NFASC: variants seen among roughly 807,000 people sequenced by gnomAD.
The protein encoded by NFASC is neurofascin homolog.
In NFASC, 43 loss-of-function variants were observed where a neutral mutation model predicts 147.5. The observed-to-expected ratio is 0.29, with a 90% confidence interval of 0.23 to 0.38. The LOEUF (loss-of-function observed/expected upper bound fraction) is 0.38. Ranked by LOEUF, NFASC falls within the 10% of genes least tolerant of loss-of-function variation. The pLI is 1.00. For synonymous variants in NFASC, 622 were observed against 665.5 expected, an observed-to-expected ratio of 0.93 and a Z score of 1.01; for missense variants, 1,320 against 1,689.0, an observed-to-expected ratio of 0.78 and a Z score of 3.83.
intron 1 of NFASC, among the ~76,000 whole-genome samples, chr1:204,875,741 C>T (rs1465601864): frequency 1.3e-5 from 2 of 152,110 alleles, no homozygotes; most frequent in East Asian, 3.9e-4. Flanking sequence ...ATGGTAATGG[C>T]CCTAAGCACA....
intron 16 of NFASC, chr1:204,977,037 G>A: frequency 7.8e-7 from 1 of 1,288,294 alleles, no homozygotes; most frequent in Non-Finnish European, 9.8e-7. Context: ...ACTGAAAGGG[G>A]CCTGAGTGAT....
intron 21 of NFASC, among the ~76,000 whole-genome samples, chr1:204,982,592 A>G (rs1412306267): frequency 6.6e-6 from 1 of 152,204 alleles, no homozygotes; most frequent in Non-Finnish European, 1.5e-5. Flanking sequence ...GAGCACAGAA[A>G]GAGAAGGTCT....
chr1:204,944,443 G>A, intron 3 of NFASC, 37 bp downstream of exon 3: 1 of 575,440 alleles, frequency 1.7e-6, no homozygotes, highest in Non-Finnish European at 3.0e-6. Flanking sequence ...TTTTTTTCCT[G>A]ATTTTGGGCA....
intron 2 of NFASC, among the ~76,000 whole-genome samples, chr1:204,921,746 A>G (rs1337154597): frequency 6.6e-6 from 1 of 152,208 alleles, no homozygotes; most frequent in Non-Finnish European, 1.5e-5. Flanking sequence ...TAAAGAGTAA[A>G]TATATAAACA....
rs1315457471 is a variant in NFASC, at chr1:204,997,303, C to T, written c.2916C>T (p.Ala972=). The T allele has an allele frequency of 8.2e-6, 13 of 1,589,498 alleles. No individual in the cohort carries two copies. Among genetic ancestry groups the T allele is most frequent in the Admixed American group, 5.3e-5 (3 of 56,652 alleles). The part of the protein sequence containing the change: ...IIPTVAPTTI[A]TTTTVATTTT... ...CAACTGTCGCACCTACCACCATCGC[C>T]ACCACCACCACCGTCGCCACAACTA... The change falls in exon 25 of 30, where the codon GCC becomes GCT. Residue 972 remains alanine, a synonymous_variant. Transcript: ENST00000339876.
intron 1 of NFASC, among the ~76,000 whole-genome samples, chr1:204,908,981 C>G (rs1014615829): frequency 6.6e-6 from 1 of 151,920 alleles, no homozygotes; most frequent in African/African-American, 2.4e-5. Flanking sequence ...TAACCATTCA[C>G]TCATTGAAAG....
chr1:204,941,512 C>T (rs2093359539), intron 2 of NFASC, among the ~76,000 whole-genome samples: 1 of 152,208 alleles, frequency 6.6e-6, no homozygotes, highest in African/African-American at 2.4e-5. Flanking sequence ...TGCTTGGCAG[C>T]TCCTAAACCA....
chr1:204,985,192 G>A (rs2150538387), intron 21 of NFASC, among the ~76,000 whole-genome samples: 1 of 152,268 alleles, frequency 6.6e-6, no homozygotes, highest in South Asian at 2.1e-4. Flanking sequence ...CTGACCTGTG[G>A]CTTCTTACCC....
At position 204,920,674 on chromosome 1, in the gene NFASC, T is replaced by A; in HGVS notation, c.-157T>A. 7.8e-7 allele frequency: 1 copy of A among 1,289,618 alleles called. No homozygotes were observed. Among genetic ancestry groups the A allele is most frequent in the Non-Finnish European group, 1.0e-6 (1 of 988,828 alleles). 79.9% of individuals were successfully genotyped at this position (1,289,618 alleles called of 1,614,324 possible). A position where few individuals can be genotyped will look rare whatever the true frequency, so the allele number is the denominator to read the frequency against. Reference sequence around the variant, plus strand: ...CAATTTGGGACGCTGGAGTTTACCTTCCCTCCGCAGCCTGGAACAGAGCCT... The same window carrying A: ...CAATTTGGGACGCTGGAGTTTACCTACCCTCCGCAGCCTGGAACAGAGCCT... On this transcript the variant is annotated 5_prime_UTR_variant, in exon 2 of 30. Coordinates refer to ENST00000339876, the MANE Select transcript of NFASC (RefSeq NM_001005388.3).
At chr1:204,980,692 C>G (rs1259022411) in intron 20 of NFASC, among the ~76,000 whole-genome samples, 1 of 152,166 alleles carries the variant, frequency 6.6e-6, no homozygotes, top group African/African-American at 2.4e-5. Flanking sequence ...CCACCGACTG[C>G]CAGTCTAGCA....
Position 204,894,890 on chromosome 1 carries a change from T to C in NFASC, c.-199-25742T>C, listed in dbSNP as rs182323158. Among the ~76,000 whole-genome samples, 118 of 152,316 alleles carry C rather than the reference T, an allele frequency of 7.7e-4. 1 individual carries two copies. The highest frequency in any genetic ancestry group is 5.0e-3 in the South Asian group (24 of 4,822). ...GGCTCCAGAAGTTCTAGTGATTCCC[T>C]ATTGCCTGTTACATGAGGTCTTTAG... On this transcript the variant is annotated intron_variant, in intron 1 of 29. Transcript: ENST00000339876.
chr1:204,956,193 A>G (rs541944580), intron 7 of NFASC, among the ~76,000 whole-genome samples: 1 of 152,200 alleles, frequency 6.6e-6, no homozygotes, highest in Non-Finnish European at 1.5e-5. Context: ...TACAAGAATT[A>G]TCCATAACAG....
chr1:204,975,327 G>A lies in NFASC; in HGVS notation c.1615G>A (p.Val539Met), dbSNP rs776446579. ...CCAGGTGGCCAGAAGGGGCACCACG[G>A]TGCAGCTGGAGTGTCGGGTGAAGCA... ...EDQVARRGTTVQLECRVKHDP... is the reference protein window; with the variant it reads ...EDQVARRGTTMQLECRVKHDP... Residue 539 changes from valine to methionine, a missense_variant, in exon 15 of 30, where the codon GTG becomes ATG. Val to Met is a conservative substitution (Grantham distance 21, BLOSUM62 1). Transcript: ENST00000339876. The surrounding 1 kb of genome is among the most constrained non-coding windows in gnomAD (Gnocchi z 4.0). 8.1e-6 allele frequency: 13 copies of A among 1,614,098 alleles called. No homozygotes were observed. Among genetic ancestry groups the A allele is most frequent in the Admixed American group, 1.7e-5 (1 of 60,024 alleles).
At chr1:205,005,801 A>G (rs2096094631) in intron 27 of NFASC, among the ~76,000 whole-genome samples, 1 of 152,176 alleles carries the variant, frequency 6.6e-6, no homozygotes, top group Non-Finnish European at 1.5e-5. Flanking sequence ...TCTGTGTCCA[A>G]ACTTCACAGG....
chr1:204,863,812 T>C (rs1347894485), intron 1 of NFASC, among the ~76,000 whole-genome samples: 1 of 142,252 alleles, frequency 7.0e-6, no homozygotes, highest in Non-Finnish European at 1.5e-5. Flanking sequence ...CGCGCCACTT[T>C]ACTCCAGCCT....
At chr1:204,969,413 T>C (rs547125937) in intron 10 of NFASC, among the ~76,000 whole-genome samples, 24 of 152,338 alleles carry the variant, frequency 1.6e-4, no homozygotes, top group African/African-American at 4.6e-4. Flanking sequence ...AATTATTTTC[T>C]AAAATCACTT....
intron 27 of NFASC, among the ~76,000 whole-genome samples, 196 bp downstream of exon 27, chr1:205,002,944 C>T (rs1190649892): frequency 1.4e-4 from 22 of 152,172 alleles, no homozygotes; most frequent in Admixed American, 1.3e-3. Context: ...AGTGTGCATG[C>T]GTAGTGGAGA....
At chr1:204,974,955 C>A in intron 14 of NFASC, 132 bp downstream of exon 14, 1 of 947,446 alleles carries the variant, frequency 1.1e-6, no homozygotes, top group Non-Finnish European at 1.6e-6. Flanking sequence ...GCCCAGTTTG[C>A]ACCTGTGGAG....
chr1:204,914,109 C>G (rs1361230158), intron 1 of NFASC, among the ~76,000 whole-genome samples: 3 of 152,032 alleles, frequency 2.0e-5, no homozygotes, highest in Non-Finnish European at 2.9e-5. Context: ...GATTTGCAGC[C>G]CCTCTTATAG....
Sources: gnomAD v4.1 joint callset for allele counts (sites outside exome capture counted in the v4.1 genomes callset) on GRCh38, gnomAD v4.1.1 for gene constraint, Gnocchi (gnomAD v3.1) non-coding constraint, MANE v1.5 for transcripts, NCBI Gene and HGNC (gene_info 2026-07-23, HGNC 2026-07-21) for gene names.